GTPBP4: variants seen among roughly 807,000 people sequenced by gnomAD.
The protein encoded by GTPBP4 is GTP-binding protein 4.
Under a neutral mutation model 81.7 loss-of-function variants are expected in GTPBP4, and 15 were observed. That is an observed-to-expected ratio of 0.18 (90% CI 0.12 to 0.28). The LOEUF is 0.28. Among genes scored for constraint, GTPBP4 ranks in the 10% least tolerant of loss-of-function variants. The probability of loss-of-function intolerance (pLI) is 1.00; values close to 1 mark genes in which losing one functional copy is unlikely to be tolerated. For missense variants in GTPBP4, 847 were observed against 793.8 expected (o/e 1.07, Z -0.81); for synonymous variants, 272 against 274.6 (o/e 0.99, Z 0.09).
chr10:991,479 C>G (rs1287994122), intron 1 of GTPBP4, among the ~76,000 whole-genome samples: 1 of 152,162 alleles, frequency 6.6e-6, no homozygotes, highest in East Asian at 1.9e-4. Context: ...TCCCTTCCAT[C>G]TCTTTGGAAA....
chr10:1,017,343 A>G lies in GTPBP4; in HGVS notation c.*116A>G. ...AAACTGAAAAAGACAAAATAAGTAA[A>G]GCACTTGTTGCTTTGCTGAAAACTA... On this transcript the variant is annotated 3_prime_UTR_variant, in exon 17 of 17. Transcript: ENST00000360803. The G allele has an allele frequency of 1.0e-6, 1 of 983,494 alleles. No homozygotes were observed. The highest frequency in any genetic ancestry group is 1.5e-6 in the Non-Finnish European group (1 of 656,130). The allele number at this position is 983,494 out of a possible 1,614,324, so 60.9% of individuals were successfully genotyped here. A position where few individuals can be genotyped will look rare whatever the true frequency, so the allele number is the denominator to read the frequency against.
At position 1,010,540 on chromosome 10, in the gene GTPBP4, T is replaced by C. The variant is rs762317730; in HGVS notation, c.1344+20T>C. ...ATGAAGGTTTGTGTCACTTTTTAAA[T>C]TGCGGATTGTTTTCCTTTTTATTAT... On this transcript the variant is annotated intron_variant, in intron 13 of 16. Transcript: ENST00000360803. 2.4e-6 allele frequency: 3 copies of C among 1,265,134 alleles called. No individual in the cohort carries two copies. Among genetic ancestry groups the C allele is most frequent in the South Asian group, 1.2e-5 (1 of 83,980 alleles). The allele number at this position is 1,265,134 out of a possible 1,614,324, so 78.4% of individuals were successfully genotyped here. A position where few individuals can be genotyped will look rare whatever the true frequency, so the allele number is the denominator to read the frequency against.
intron 13 of GTPBP4, among the ~76,000 whole-genome samples, chr10:1,011,163 A>C (rs1831861797): frequency 6.9e-6 from 1 of 144,572 alleles, no homozygotes; most frequent in African/African-American, 2.6e-5. Context: ...GCATCCCTCC[A>C]TCCTGACTGT....
intron 10 of GTPBP4, 24 bp downstream of exon 10, chr10:1,007,152 G>T (rs771590875): frequency 9.2e-6 from 12 of 1,305,714 alleles, no homozygotes; most frequent in Non-Finnish European, 1.2e-5. Context: ...TGGGACAGCC[G>T]TGGGCTCACA....
At chr10:988,631 C>T in intron 1 of GTPBP4, 104 bp downstream of exon 1, 1 of 831,664 alleles carries the variant, frequency 1.2e-6, no homozygotes, top group Admixed American at 1.9e-5. Flanking sequence ...GCCTTCCGCT[C>T]GCCCATCCCC....
intron 2 of GTPBP4, among the ~76,000 whole-genome samples, chr10:995,174 A>C (rs1042396390): frequency 2.6e-5 from 4 of 152,326 alleles, no homozygotes; most frequent in Admixed American, 2.6e-4. Context: ...GACGACATTT[A>C]AATCTATCTG....
chr10:1,001,768 G>A (rs1050185276), intron 8 of GTPBP4, among the ~76,000 whole-genome samples: 3 of 151,262 alleles, frequency 2.0e-5, no homozygotes, highest in Non-Finnish European at 4.4e-5. Flanking sequence ...AAGATACTTG[G>A]CAATTTTTAA....
intron 2 of GTPBP4, among the ~76,000 whole-genome samples, chr10:995,329 A>T (rs1175967456): frequency 6.6e-6 from 1 of 152,064 alleles, no homozygotes; most frequent in African/African-American, 2.4e-5. Context: ...CGCAGGCAGG[A>T]TGCATGGCCA....
At position 1,012,576 on chromosome 10, in the gene GTPBP4, C is replaced by G. The variant is rs768912709; in HGVS notation, c.1456C>G (p.Gln486Glu). 4.3e-6 allele frequency: 7 copies of G among 1,613,748 alleles called. No individual in the cohort carries two copies. The East Asian group carries it at 1.6e-4, about 36-fold the overall frequency. ...GCTGGAAATCCGACAGCTGGCAAAG[C>G]AAATTCGAGAGAAAAAGAAGTTGAA... ...EMLEIRQLAK[Q>E]IREKKKLKIL... The change falls in exon 14 of 17, where the codon CAA (glutamine) becomes GAA (glutamate). Residue 486 changes from glutamine (Q) to glutamate (E), a missense_variant. Around this residue, in one of 3 missense-constraint regions of GTPBP4, gnomAD observed 600 missense variants for 557.1 expected, o/e 1.08. Coordinates refer to ENST00000360803, the MANE Select transcript of GTPBP4 (RefSeq NM_012341.3).
intron 8 of GTPBP4, among the ~76,000 whole-genome samples, chr10:1,002,403 T>C (rs7099607): frequency 0.45 from 67,715 of 152,138 alleles, 16,083 homozygotes; most frequent in Middle Eastern, 0.59. Flanking sequence ...GAAGTATAGC[T>C]ATTCCTACTT....
At chr10:993,867 C>G (rs1215994748) in intron 2 of GTPBP4, among the ~76,000 whole-genome samples, 1 of 151,252 alleles carries the variant, frequency 6.6e-6, no homozygotes, top group Non-Finnish European at 1.5e-5. Context: ...TCAAGCGATT[C>G]TCCTGCCTCA....
At position 999,111 on chromosome 10, in the gene GTPBP4, T is replaced by A; in HGVS notation, c.654+16T>A. On this transcript the variant is annotated intron_variant, in intron 6 of 16. Transcript: ENST00000360803. ...ACGTTGGCAGGTGAGAGTCTTGTCT[T>A]TATTTTTATTCATTTATTTATTTTG... The A allele has an allele frequency of 7.5e-7, 1 of 1,328,038 alleles. No homozygotes were observed. The highest frequency in any genetic ancestry group is 1.1e-6 in the Non-Finnish European group (1 of 919,240). The allele number at this position is 1,328,038 out of a possible 1,614,324, so 82.3% of individuals were successfully genotyped here.
At chr10:999,239 C>T in intron 6 of GTPBP4, 144 bp downstream of exon 6, 1 of 612,558 alleles carries the variant, frequency 1.6e-6, no homozygotes, top group Middle Eastern at 4.5e-4. Flanking sequence ...CTGCCTCAGC[C>T]TTTCGAGTAG....
intron 13 of GTPBP4, among the ~76,000 whole-genome samples, chr10:1,010,800 C>G (rs1024106303): frequency 6.8e-6 from 1 of 147,190 alleles, no homozygotes. Context: ...TATCCTGCAC[C>G]CCTCCATCCT....
At chr10:1,014,125 A>T (rs1403911141) in intron 14 of GTPBP4, 122 bp from the exon 15 acceptor site, 1 of 590,154 alleles carries the variant, frequency 1.7e-6, no homozygotes, top group Admixed American at 2.9e-5. Context: ...TAAAAATTAC[A>T]ACTTCTAAAA....
Position 1,008,067 on chromosome 10 carries a change from G to A in GTPBP4, c.1114-891G>A, listed in dbSNP as rs11253565. ...ATTAATTTTTTTTTCTGGGTGTTCA[G>A]GTTTGCATTGTACATAGAAAGGCTT... On this transcript the variant is annotated intron_variant, in intron 10 of 16. Transcript: ENST00000360803. The A allele has an allele frequency of 9.0e-5, 41 of 457,662 alleles. 3 individuals carry two copies. Among genetic ancestry groups the A allele is most frequent in the South Asian group, 6.1e-4 (40 of 65,074 alleles). 28.4% of individuals were successfully genotyped at this position (457,662 alleles called of 1,614,324 possible). A position where few individuals can be genotyped will look rare whatever the true frequency, so the allele number is the denominator to read the frequency against.
At position 996,226 on chromosome 10, in the gene GTPBP4, G is replaced by C; in HGVS notation, c.444G>C (p.Leu148Phe). The change falls in exon 4 of 17, where the codon TTG (leucine) becomes TTC (phenylalanine). Residue 148 changes from leucine to phenylalanine, a missense_variant. Leu to Phe is a conservative substitution (Grantham distance 22, BLOSUM62 0). This residue lies in a region of GTPBP4 where 241 missense variants were observed against 216.3 expected (regional missense o/e 1.11). Coordinates refer to ENST00000360803, the MANE Select transcript of GTPBP4 (RefSeq NM_012341.3). ...TGATCAAGAGGCAGAAGCAGAGTTT[G>C]GAGTATTTGGAGCAAGGTGCTTGTC... ...CTVIKRQKQSLEYLEQVRQHL... is the reference protein window; with the variant it reads ...CTVIKRQKQSFEYLEQVRQHL... 1 of 1,613,030 alleles carries C rather than the reference G, an allele frequency of 6.2e-7. No homozygotes were observed. Among genetic ancestry groups the C allele is most frequent in the Non-Finnish European group, 8.5e-7 (1 of 1,179,466 alleles).
rs1405023543 is a variant in GTPBP4, at chr10:997,318, G to T, written c.561+10G>T. 2 of 1,419,336 alleles carry T rather than the reference G, an allele frequency of 1.4e-6. No homozygotes were observed. The highest frequency in any genetic ancestry group is 2.8e-5 in the African/African-American group (2 of 71,194). The allele number at this position is 1,419,336 out of a possible 1,614,324, so 87.9% of individuals were successfully genotyped here. On this transcript the variant is annotated intron_variant, in intron 5 of 16. Coordinates refer to ENST00000360803, the MANE Select transcript of GTPBP4 (RefSeq NM_012341.3). ...CAGCTTCATCAACAAGGTTGGTCTG[G>T]TTTTTATCGTAAAGCAAATCATCTG...
intron 6 of GTPBP4, among the ~76,000 whole-genome samples, chr10:999,688 G>C (rs1300538500): frequency 6.6e-6 from 1 of 152,230 alleles, no homozygotes; most frequent in Non-Finnish European, 1.5e-5. Context: ...GCTGGGCACA[G>C]TGATTCACGC....
Sources: gnomAD v4.1 joint callset for allele counts (sites outside exome capture counted in the v4.1 genomes callset) on GRCh38, gnomAD v4.1.1 for gene constraint, gnomAD v4.1.1 regional missense constraint, MANE v1.5 for transcripts, NCBI Gene and HGNC (gene_info 2026-07-23, HGNC 2026-07-21) for gene names.